The following NFIX variants were observed in gnomAD, a reference collection of about 807,000 sequenced individuals.
NFIX encodes the protein nuclear factor I X.
NFIX carries 2 observed loss-of-function variants against 53.3 expected under a neutral mutation model. That is an observed-to-expected ratio of 0.04 (90% CI 0.02 to 0.12). The LOEUF (loss-of-function observed/expected upper bound fraction) is 0.12. Ranked by LOEUF, NFIX falls within the 10% of genes least tolerant of loss-of-function variation. NFIX has a pLI of 1.00. For missense variants in NFIX, 310 were observed against 674.5 expected (o/e 0.46, Z 5.99); for synonymous variants, 244 against 289.0 (o/e 0.84, Z 1.58).
At chr19:13,038,195 C>G (rs1424681499) in intron 2 of NFIX, among the ~76,000 whole-genome samples, 2 of 152,182 alleles carry the variant, frequency 1.3e-5, no homozygotes, top group East Asian at 3.8e-4. Context: ...TGACAGCAAG[C>G]CCTGCCAGGC....
rs1330417355 is a variant in NFIX at position 13,012,470 on chromosome 19, G to A, written c.28-12551G>A. Among the ~76,000 whole-genome samples the A allele has an allele frequency of 6.7e-6, 1 of 150,010 alleles. No individual in the cohort carries two copies. The highest frequency in any genetic ancestry group is 1.5e-5 in the Non-Finnish European group (1 of 67,370). The stretch of plus-strand genomic sequence containing the variant: ...CCCCCCGACCCACCCCCCAAAAAGT[G>A]ACCCCGCGCTGGTGGGCATGGAGGA... On this transcript the variant is annotated intron_variant, in intron 1 of 10. Transcript: ENST00000592199. The surrounding 1 kb of genome is among the most constrained non-coding windows in gnomAD (Gnocchi z 5.0).
rs1009250489 is a variant in NFIX at position 13,095,417 on chromosome 19, A to G, written c.*768A>G. 5 of 152,236 alleles carry G rather than the reference A, an allele frequency of 3.3e-5. No individual in the cohort carries two copies. Among genetic ancestry groups the G allele is most frequent in the Non-Finnish European group, 7.3e-5 (5 of 68,084 alleles). 9.4% of individuals were successfully genotyped at this position (152,236 alleles called of 1,614,324 possible). On this transcript the variant is annotated 3_prime_UTR_variant, in exon 11 of 11. Transcript: ENST00000592199. ...CCTGGGGCCCTGGACCCCTCTGTAC[A>G]GTCCGTAGGAAAAAGTCGGAATGCT...
In NFIX at chr19:13,072,981, AT is replaced by A; in HGVS notation, c.560-65del. On this transcript the variant is annotated intron_variant, in intron 2 of 10. Coordinates refer to ENST00000592199, the MANE Select transcript of NFIX (RefSeq NM_001365902.3). This position sits in a 1 kb window ranked among gnomAD's most constrained non-coding sequence, Gnocchi z 4.0. ...CTCTTGCACCAGGCTGGAGGGGCCA[AT>A]GCTTGGCTGGTGCTTATGGGGAACT... The A allele has an allele frequency of 6.6e-7, 1 of 1,505,068 alleles. No homozygotes were observed. Among genetic ancestry groups the A allele is most frequent in the South Asian group, 1.1e-5 (1 of 88,936 alleles). The allele number at this position is 1,505,068 out of a possible 1,614,324, so 93.2% of individuals were successfully genotyped here.
At position 13,094,782 on chromosome 19, in the gene NFIX, C is replaced by T. The variant is rs2018340386; in HGVS notation, c.*133C>T. 2 of 948,830 alleles carry T rather than the reference C, an allele frequency of 2.1e-6. No individual in the cohort carries two copies. Among genetic ancestry groups the T allele is most frequent in the South Asian group, 3.1e-5 (2 of 65,118 alleles). 58.8% of individuals were successfully genotyped at this position (948,830 alleles called of 1,614,324 possible). On this transcript the variant is annotated 3_prime_UTR_variant, in exon 11 of 11. Transcript: ENST00000592199. This position sits in a 1 kb window ranked among gnomAD's most constrained non-coding sequence, Gnocchi z 4.3. ...AAAGCAAAAATTACACGTCGTCAGC[C>T]ACTCAGCCCTTCTCTCCTCCAGCCC...
At chr19:13,046,060 G>A (rs2014962377) in intron 2 of NFIX, among the ~76,000 whole-genome samples, 1 of 152,214 alleles carries the variant, frequency 6.6e-6, no homozygotes. Context: ...GGGTGGGGCA[G>A]AGGCCTGGCA....
rs549012407 is a variant in NFIX, at chr19:13,073,829, G to A, written c.698-77G>A. On this transcript the variant is annotated intron_variant, in intron 4 of 10. Coordinates refer to ENST00000592199, the MANE Select transcript of NFIX (RefSeq NM_001365902.3). The surrounding 1 kb of genome is among the most constrained non-coding windows in gnomAD (Gnocchi z 4.5). ...TAAACTCACCCTGGGCTTCTGGGAA[G>A]CTGTTCATGACAAAGAAACAGACCC... 6.3e-7 allele frequency: 1 copy of A among 1,589,448 alleles called. No homozygotes were observed. The highest frequency in any genetic ancestry group is 1.7e-5 in the Admixed American group (1 of 58,858).
intron 1 of NFIX, among the ~76,000 whole-genome samples, chr19:13,015,825 C>T (rs973994956): frequency 2.4e-4 from 36 of 152,218 alleles, no homozygotes; most frequent in South Asian, 6.2e-4. Context: ...CACACGCACA[C>T]GCACTCTGCA....
At chr19:12,999,465 C>T (rs2011594666) in intron 1 of NFIX, among the ~76,000 whole-genome samples, 1 of 147,926 alleles carries the variant, frequency 6.8e-6, no homozygotes, top group East Asian at 2.0e-4. Flanking sequence ...AGCCACTGCA[C>T]CCGGCCACAA....
In NFIX at chr19:13,005,021, T is replaced by C. The variant is rs776502389; in HGVS notation, c.27+9157T>C. On this transcript the variant is annotated intron_variant, in intron 1 of 10. Coordinates refer to ENST00000592199, the MANE Select transcript of NFIX (RefSeq NM_001365902.3). The surrounding 1 kb of genome is among the most constrained non-coding windows in gnomAD (Gnocchi z 4.7). Reference sequence around the variant, plus strand: ...TAGTAGAGACAGGGTTTCTCCATGTTGGCCAGACTGGTCTCAAACTCCTGG... The same window carrying C: ...TAGTAGAGACAGGGTTTCTCCATGTCGGCCAGACTGGTCTCAAACTCCTGG... 6.6e-6 allele frequency among the ~76,000 whole-genome samples: 1 copy of C among 152,130 alleles called. No homozygotes were observed. The highest frequency in any genetic ancestry group is 1.5e-5 in the Non-Finnish European group (1 of 68,014).
chr19:13,084,461 CA>C (rs377467492), intron 8 of NFIX, among the ~76,000 whole-genome samples: 1 of 151,862 alleles, frequency 6.6e-6, no homozygotes, highest in South Asian at 2.1e-4. Flanking sequence ...AAAACAAAAA[CA>C]AAAAAAACCC....
rs560281926 is a variant in NFIX, at chr19:12,997,986, T to C, written c.27+2122T>C. Among the ~76,000 whole-genome samples, 12 of 152,382 alleles carry C rather than the reference T, an allele frequency of 7.9e-5. No homozygotes were observed. The East Asian group carries it at 2.3e-3, about 29-fold the overall frequency. ...GGTGGGCAGGGAAACCCTTCAGCTCTGGGCAGGTGGCTGCTGTCGGCTGGT... is the reference window on the plus strand; with the variant it reads ...GGTGGGCAGGGAAACCCTTCAGCTCCGGGCAGGTGGCTGCTGTCGGCTGGT... On this transcript the variant is annotated intron_variant, in intron 1 of 10. Transcript: ENST00000592199.
Position 13,073,044 on chromosome 19 carries a change from C to A in NFIX, c.560-3C>A, listed in dbSNP as rs1313553312. On this transcript the variant is annotated splice_region_variant and splice_polypyrimidine_tract_variant and intron_variant, in intron 2 of 10. Coordinates refer to ENST00000592199, the MANE Select transcript of NFIX (RefSeq NM_001365902.3). This position sits in a 1 kb window ranked among gnomAD's most constrained non-coding sequence, Gnocchi z 4.5. ...ACATTCTCCCCTTTTGTGTCTCCTG[C>A]AGAATCCGGACAATCAGATAGTTCA... 6.2e-7 allele frequency: 1 copy of A among 1,613,764 alleles called. No homozygotes were observed. The highest frequency in any genetic ancestry group is 1.3e-5 in the African/African-American group (1 of 74,934).
chr19:13,018,614 A>G (rs1407731662), intron 1 of NFIX, among the ~76,000 whole-genome samples: 1 of 152,116 alleles, frequency 6.6e-6, no homozygotes, highest in Non-Finnish European at 1.5e-5. Context: ...TTTTGTTCTG[A>G]CTACAGAGCC....
Position 13,097,364 on chromosome 19 carries a change from A to G in NFIX, c.*2715A>G, listed in dbSNP as rs1468127145. On this transcript the variant is annotated 3_prime_UTR_variant, in exon 11 of 11. Transcript: ENST00000592199. The stretch of plus-strand genomic sequence containing the variant: ...CAACACAAGATCAAAAAGGAAAAGG[A>G]CGAGAGAAAAATTATTTTTAAGATA... 1 of 152,362 alleles carries G rather than the reference A, an allele frequency of 6.6e-6. No homozygotes were observed. Among genetic ancestry groups the G allele is most frequent in the Non-Finnish European group, 1.5e-5 (1 of 67,980 alleles). 9.4% of individuals were successfully genotyped at this position (152,362 alleles called of 1,614,324 possible).
chr19:13,079,951 T>G (rs1568323472), intron 7 of NFIX, among the ~76,000 whole-genome samples: 1 of 152,228 alleles, frequency 6.6e-6, no homozygotes. Context: ...TGGCGGTGGC[T>G]GGGTGCACAC....
chr19:13,032,368 G>A (rs1386264494), intron 2 of NFIX, among the ~76,000 whole-genome samples: 1 of 152,128 alleles, frequency 6.6e-6, no homozygotes, highest in Admixed American at 6.5e-5. Flanking sequence ...AAACACTTTG[G>A]GCAGATCTTA....
Position 13,096,518 on chromosome 19 carries a change from G to C in NFIX, c.*1869G>C, listed in dbSNP as rs956262161. ...GTGAAGCCCTCCCCCTGTCCTCAGC[G>C]TGCAGCCCTAGAGGACCCCAGGGCT... On this transcript the variant is annotated 3_prime_UTR_variant, in exon 11 of 11. Transcript: ENST00000592199. The C allele has an allele frequency of 6.6e-6, 1 of 152,154 alleles. No individual in the cohort carries two copies. The highest frequency in any genetic ancestry group is 2.1e-4 in the South Asian group (1 of 4,816). The allele number at this position is 152,154 out of a possible 1,614,324, so 9.4% of individuals were successfully genotyped here.
At chr19:13,007,216 C>CCGCCAT (rs1297152198) in intron 1 of NFIX, among the ~76,000 whole-genome samples, 5 of 152,056 alleles carry the variant, frequency 3.3e-5, no homozygotes, top group Non-Finnish European at 7.4e-5. Flanking sequence ...TCCAAACCCG[C>CCGCCAT]CGCCATCGTT....
At position 13,093,585 on chromosome 19, in the gene NFIX, G is replaced by A. The variant is rs1194122162; in HGVS notation, c.1495-1050G>A. On this transcript the variant is annotated intron_variant, in intron 10 of 10. Transcript: ENST00000592199. The surrounding 1 kb of genome is among the most constrained non-coding windows in gnomAD (Gnocchi z 4.7). ...TTGCCCGAGGGCTGTGTGGCCTCAG[G>A]CAGGTCACGTACCCCCTCTGTGCCT... is the stretch of plus-strand genomic sequence containing the variant. Among the ~76,000 whole-genome samples the A allele has an allele frequency of 1.3e-5, 2 of 152,216 alleles. No individual in the cohort carries two copies. Among genetic ancestry groups the A allele is most frequent in the African/African-American group, 4.8e-5 (2 of 41,450 alleles).
Sources: allele counts gnomAD v4.1 joint callset (sites outside exome capture counted in the v4.1 genomes callset), GRCh38; gene constraint gnomAD v4.1.1; non-coding constraint Gnocchi (gnomAD v3.1); transcripts MANE v1.5; gene names NCBI Gene and HGNC (gene_info 2026-07-23, HGNC 2026-07-21).